The following CHL1 variants were observed in gnomAD, a reference collection of about 807,000 sequenced individuals.
CHL1 encodes the protein cell adhesion molecule L1 like, also known as neural cell adhesion molecule L1-like protein.
In CHL1, 96 loss-of-function variants were observed where a neutral mutation model predicts 141.9. The observed-to-expected ratio is 0.68, with a 90% CI of 0.57 to 0.80. The LOEUF (loss-of-function observed/expected upper bound fraction) is 0.80. Among genes scored for constraint, CHL1 ranks in the 30% least tolerant of loss-of-function variants. The pLI, the probability that CHL1 is intolerant of heterozygous loss-of-function variation, is 0.00. For missense variants in CHL1, 1,820 were observed against 1,457.2 expected (o/e 1.25, Z -4.05); for synonymous variants, 613 against 502.2 (o/e 1.22, Z -2.95).
At chr3:333,514 A>G (rs1275549041) in intron 5 of CHL1, among the ~76,000 whole-genome samples, 1 of 151,786 alleles carries the variant, frequency 6.6e-6, no homozygotes, top group Non-Finnish European at 1.5e-5. Context: ...GAAAGAAACA[A>G]CAACAACAAG....
chr3:332,220 C>T (rs897757044), intron 5 of CHL1, among the ~76,000 whole-genome samples: 2 of 152,084 alleles, frequency 1.3e-5, no homozygotes, highest in East Asian at 1.9e-4. Flanking sequence ...ACCAAAAATA[C>T]TATTCAATAG....
At chr3:358,592 C>T (rs1374010899) in intron 11 of CHL1, among the ~76,000 whole-genome samples, 1 of 152,088 alleles carries the variant, frequency 6.6e-6, no homozygotes, top group Non-Finnish European at 1.5e-5. Flanking sequence ...CATTTTAAGT[C>T]ATTCCAATAA....
At chr3:218,808 C>A (rs1700552705) in intron 1 of CHL1, among the ~76,000 whole-genome samples, 1 of 152,092 alleles carries the variant, frequency 6.6e-6, no homozygotes, top group Admixed American at 6.6e-5. Flanking sequence ...ATCAAAACCA[C>A]AATGAGATAC....
At chr3:397,620 T>A (rs1393830776) in intron 24 of CHL1, among the ~76,000 whole-genome samples, 1 of 152,132 alleles carries the variant, frequency 6.6e-6, no homozygotes. Context: ...GATTCTACTA[T>A]TAACATATTG....
At chr3:389,497 C>T in intron 20 of CHL1, 23 bp downstream of exon 20, 1 of 1,550,898 alleles carries the variant, frequency 6.4e-7, no homozygotes, top group South Asian at 1.1e-5. Context: ...CCTAAAACTG[C>T]TAAGCACGTC....
At chr3:227,755 A>G (rs1574775524) in intron 1 of CHL1, among the ~76,000 whole-genome samples, 3 of 152,062 alleles carry the variant, frequency 2.0e-5, no homozygotes, top group Admixed American at 2.0e-4. Flanking sequence ...GCCTCTTCCT[A>G]CTTCTTCACA....
intron 2 of CHL1, among the ~76,000 whole-genome samples, chr3:253,114 A>G (rs888997168): frequency 6.6e-6 from 1 of 152,120 alleles, no homozygotes; most frequent in South Asian, 2.1e-4. Context: ...CTCATCAGTA[A>G]AGAGGAGATA....
At chr3:339,972 C>A (rs1702234922) in intron 5 of CHL1, among the ~76,000 whole-genome samples, 1 of 152,216 alleles carries the variant, frequency 6.6e-6, no homozygotes, top group Admixed American at 6.5e-5. Flanking sequence ...ATTCCCCCAC[C>A]AAAAGTTGAA....
rs1708903983 is a variant in CHL1 at position 399,041 on chromosome 3, T to A, written c.3278T>A (p.Ile1093Asn). The A allele has an allele frequency of 1.2e-6, 2 of 1,613,190 alleles. No homozygotes were observed. The highest frequency in any genetic ancestry group is 2.2e-5 in the East Asian group (1 of 44,858). The change falls in exon 26 of 28, where the codon ATC becomes AAC. Residue 1093 changes from isoleucine (I) to asparagine (N), a missense_variant. Coordinates refer to ENST00000256509, the MANE Select transcript of CHL1 (RefSeq NM_006614.4). The part of the protein sequence containing the change: ...GREYAGLYDD[I>N]STQGWFIGLM... Reference sequence around the variant, plus strand: ...GAATATGCTGGTTTATATGATGACATCTCCACTCAAGGCTGGTTTATTGGA... The same window carrying A: ...GAATATGCTGGTTTATATGATGACAACTCCACTCAAGGCTGGTTTATTGGA...
intron 16 of CHL1, among the ~76,000 whole-genome samples, chr3:378,679 C>T (rs80311420): frequency 6.6e-6 from 1 of 152,080 alleles, no homozygotes; most frequent in Non-Finnish European, 1.5e-5. Context: ...AGTGGAGGGC[C>T]GTTTGGAGTG....
chr3:403,480 G>A (rs1709300778), intron 27 of CHL1, among the ~76,000 whole-genome samples: 1 of 152,064 alleles, frequency 6.6e-6, no homozygotes. Flanking sequence ...TCAGGAGGCG[G>A]AGGTTGCAGT....
At chr3:342,866 A>G (rs956696128) in intron 7 of CHL1, 118 bp from the exon 8 acceptor site, 13 of 674,154 alleles carry the variant, frequency 1.9e-5, no homozygotes, top group Non-Finnish European at 3.2e-5. Flanking sequence ...GTTCTAGTGA[A>G]GCATGGTTCT....
chr3:401,404 G>C (rs1452433121), intron 26 of CHL1, among the ~76,000 whole-genome samples: 1 of 152,122 alleles, frequency 6.6e-6, no homozygotes, highest in Non-Finnish European at 1.5e-5. Context: ...CATGCTGCAG[G>C]TGTGACGACA....
chr3:317,940 T>G (rs1027464817), intron 2 of CHL1, among the ~76,000 whole-genome samples: 8 of 151,914 alleles, frequency 5.3e-5, no homozygotes, highest in African/African-American at 1.9e-4. Flanking sequence ...GAAGTTAAAT[T>G]ACAAGTATAA....
chr3:231,135 G>C (rs1419400752), intron 1 of CHL1, among the ~76,000 whole-genome samples: 1 of 152,124 alleles, frequency 6.6e-6, no homozygotes, highest in Non-Finnish European at 1.5e-5. Flanking sequence ...TATCGGTTTT[G>C]TCTAACAGGA....
At chr3:290,119 T>C (rs1697550065) in intron 2 of CHL1, among the ~76,000 whole-genome samples, 1 of 152,036 alleles carries the variant, frequency 6.6e-6, no homozygotes, top group Non-Finnish European at 1.5e-5. Context: ...AGGGAGCACT[T>C]CTGCATTATT....
chr3:389,013 A>G lies in CHL1; in HGVS notation c.2248-239A>G, dbSNP rs1291921612. ...AGACTTTACCATGAGGACATAATCC[A>G]GGCATCTGATTGTAGGCTTCTCGTT... On this transcript the variant is annotated intron_variant, in intron 19 of 27. Transcript: ENST00000256509. Among the ~76,000 whole-genome samples the G allele has an allele frequency of 4.7e-5, 7 of 149,934 alleles. No individual in the cohort carries two copies. The East Asian group carries it at 1.4e-3, about 30-fold the overall frequency.
intron 2 of CHL1, among the ~76,000 whole-genome samples, chr3:318,305 C>T (rs1347932163): frequency 6.6e-6 from 1 of 151,764 alleles, no homozygotes; most frequent in Non-Finnish European, 1.5e-5. Context: ...AGCGGAAATA[C>T]TTAGAATTTA....
At chr3:268,193 A>ATTTTAG (rs1196116046) in intron 2 of CHL1, among the ~76,000 whole-genome samples, 3 of 152,358 alleles carry the variant, frequency 2.0e-5, no homozygotes, top group Non-Finnish European at 2.9e-5. Context: ...AATTTGGAAT[A>ATTTTAG]ATAAAGTGTT....
Sources: allele counts gnomAD v4.1 joint callset (sites outside exome capture counted in the v4.1 genomes callset), GRCh38; gene constraint gnomAD v4.1.1; transcripts MANE v1.5; gene names NCBI Gene and HGNC (gene_info 2026-07-23, HGNC 2026-07-21).